The following PDE4D variants were observed in gnomAD, a reference collection of about 807,000 sequenced individuals.
The protein encoded by PDE4D is phosphodiesterase 4D.
A neutral mutation model predicts 87.4 loss-of-function variants in PDE4D; 24 were observed. That is an observed-to-expected ratio of 0.27 (90% confidence interval 0.20 to 0.39). The LOEUF (loss-of-function observed/expected upper bound fraction) is 0.39, where lower values mean the gene tolerates loss of function less well. Ranked by LOEUF, PDE4D falls within the 10% of genes least tolerant of loss-of-function variation. The probability of loss-of-function intolerance (pLI) is 1.00; values close to 1 mark genes in which losing one functional copy is unlikely to be tolerated. For missense variants in PDE4D, 714 were observed against 1,041.0 expected (o/e 0.69, Z 4.32); for synonymous variants, 384 against 383.2 (o/e 1.00, Z -0.02).
chr5:58,973,494 AC>A lies in PDE4D; in HGVS notation c.*1169del, dbSNP rs1242346288. 6.7e-6 allele frequency: 1 copy of A among 149,854 alleles called. No individual in the cohort carries two copies. Among genetic ancestry groups the A allele is most frequent in the South Asian group, 2.1e-4 (1 of 4,772 alleles). The allele number at this position is 149,854 out of a possible 1,614,324, so 9.3% of individuals were successfully genotyped here. A position where few individuals can be genotyped will look rare whatever the true frequency, so the allele number is the denominator to read the frequency against. ...ATGAAATGTGTGGATTATTAGAAAG[AC>A]ATGCACTTGTGAAATGAACATCTAG... On this transcript the variant is annotated 3_prime_UTR_variant, in exon 15 of 15. Coordinates refer to ENST00000340635, the MANE Select transcript of PDE4D (RefSeq NM_001104631.2).
At chr5:58,985,846 A>G (rs1446303115) in intron 11 of PDE4D, among the ~76,000 whole-genome samples, 1 of 152,268 alleles carries the variant, frequency 6.6e-6, no homozygotes, top group Non-Finnish European at 1.5e-5. Flanking sequence ...TCACAAGTTT[A>G]CAAGTTATTA....
At chr5:60,212,544 T>C (rs1743353930) in intron 1 of PDE4D, among the ~76,000 whole-genome samples, 1 of 152,162 alleles carries the variant, frequency 6.6e-6, no homozygotes, top group Admixed American at 6.5e-5. Context: ...TTGTAAGCAA[T>C]ATGTAGGTCT....
chr5:59,385,238 T>A (rs543904078), intron 1 of PDE4D, among the ~76,000 whole-genome samples: 46 of 152,326 alleles, frequency 3.0e-4, no homozygotes, highest in Non-Finnish European at 6.3e-4. Context: ...GATCTCATGA[T>A]TTCCTTTTTG....
intron 1 of PDE4D, among the ~76,000 whole-genome samples, chr5:59,461,294 A>G (rs1800744038): frequency 6.6e-6 from 1 of 152,212 alleles, no homozygotes; most frequent in Admixed American, 6.5e-5. Context: ...TCTTAGAAAT[A>G]GTTATCTAAG....
chr5:59,275,204 A>C (rs1302368119), intron 1 of PDE4D: 1 of 681,022 alleles, frequency 1.5e-6, no homozygotes, highest in Non-Finnish European at 2.4e-6. Flanking sequence ...TTTGGGAACA[A>C]AATAAAGAAT....
intron 1 of PDE4D, among the ~76,000 whole-genome samples, chr5:60,295,000 GTA>G (rs1753246310): frequency 1.3e-5 from 2 of 152,078 alleles, no homozygotes; most frequent in African/African-American, 4.8e-5. Context: ...AATGAGCAAA[GTA>G]TATCTCTCCA....
chr5:59,512,569 A>G (rs1484050366), intron 1 of PDE4D, among the ~76,000 whole-genome samples: 1 of 152,130 alleles, frequency 6.6e-6, no homozygotes, highest in East Asian at 1.9e-4. Flanking sequence ...AGAATGTTTA[A>G]CCCCATTGAA....
rs531396171 is a variant in PDE4D, at chr5:59,960,794, G to C, written c.272+27694C>G. 6.6e-5 allele frequency among the ~76,000 whole-genome samples: 10 copies of C among 152,022 alleles called. No individual in the cohort carries two copies. In the East Asian group the frequency reaches 1.7e-3, roughly 26 times the overall value. On this transcript the variant is annotated intron_variant, in intron 3 of 16. Coordinates refer to the PDE4D transcript ENST00000502484. Reference sequence around the variant, plus strand: ...TTAGTGACAAGATCAATAGAAACTCGAACCTCAGCATCATGCAATATATCC... The same window carrying C: ...TTAGTGACAAGATCAATAGAAACTCCAACCTCAGCATCATGCAATATATCC...
intron 1 of PDE4D, among the ~76,000 whole-genome samples, chr5:59,257,948 CCAGT>C (rs1245658337): frequency 6.6e-6 from 1 of 151,886 alleles, no homozygotes; most frequent in African/African-American, 2.4e-5. Flanking sequence ...AGAAAACACC[CCAGT>C]CAAAGACAAA....
At chr5:59,310,253 T>C (rs1268934920) in intron 1 of PDE4D, among the ~76,000 whole-genome samples, 2 of 152,168 alleles carry the variant, frequency 1.3e-5, no homozygotes, top group African/African-American at 2.4e-5. Context: ...TTCCTTTTTT[T>C]CTGTGGACTT....
chr5:59,666,975 T>C (rs1027445644), intron 1 of PDE4D, among the ~76,000 whole-genome samples: 1 of 152,198 alleles, frequency 6.6e-6, no homozygotes, highest in Non-Finnish European at 1.5e-5. Context: ...TGTAAACATA[T>C]ATAAGGCAGA....
At chr5:59,794,711 A>G (rs1347104661) in intron 1 of PDE4D, among the ~76,000 whole-genome samples, 1 of 152,220 alleles carries the variant, frequency 6.6e-6, no homozygotes, top group Non-Finnish European at 1.5e-5. Flanking sequence ...TAGTTCATCA[A>G]GGCATTCAAA....
chr5:60,507,814 T>G (rs1750390092), intron 1 of PDE4D, among the ~76,000 whole-genome samples: 1 of 152,204 alleles, frequency 6.6e-6, no homozygotes, highest in Non-Finnish European at 1.5e-5. Flanking sequence ...ACATGAAAAT[T>G]TATGAGCTTC....
intron 2 of PDE4D, among the ~76,000 whole-genome samples, chr5:60,107,236 G>A (rs1049696346): frequency 2.6e-5 from 4 of 152,216 alleles, no homozygotes; most frequent in East Asian, 1.9e-4. Context: ...AAACCTCTAC[G>A]CAAATAAACT....
At chr5:59,888,376 T>A (rs1445467837) in intron 1 of PDE4D, among the ~76,000 whole-genome samples, 3 of 152,238 alleles carry the variant, frequency 2.0e-5, no homozygotes, top group Non-Finnish European at 4.4e-5. Flanking sequence ...TTTTTCTGAT[T>A]AATCAAAGGC....
intron 2 of PDE4D, among the ~76,000 whole-genome samples, chr5:60,096,194 C>CTAGTTT (rs767368778): frequency 3.9e-5 from 6 of 151,976 alleles, no homozygotes; most frequent in Admixed American, 1.3e-4. Context: ...ATGATATTTT[C>CTAGTTT]TAGTTTTTCT....
intron 1 of PDE4D, among the ~76,000 whole-genome samples, chr5:59,628,760 T>C (rs1385279647): frequency 6.6e-6 from 1 of 152,208 alleles, no homozygotes. Flanking sequence ...AGGGACTGTG[T>C]GTGCTAGGAA....
chr5:59,177,940 C>G (rs1784153725), intron 5 of PDE4D, among the ~76,000 whole-genome samples: 1 of 152,128 alleles, frequency 6.6e-6, no homozygotes, highest in Non-Finnish European at 1.5e-5. Context: ...GCCTCACTGA[C>G]TCTTTTTAAT....
intron 1 of PDE4D, among the ~76,000 whole-genome samples, chr5:60,242,477 G>A (rs1014904877): frequency 6.6e-5 from 10 of 152,008 alleles, no homozygotes; most frequent in African/African-American, 2.2e-4. Context: ...AAATGATCCC[G>A]ATAGATATTT....
Sources: allele counts gnomAD v4.1 joint callset (sites outside exome capture counted in the v4.1 genomes callset), GRCh38; gene constraint gnomAD v4.1.1; transcripts MANE v1.5; gene names NCBI Gene and HGNC (gene_info 2026-07-23, HGNC 2026-07-21).